MACROD1: variants seen among roughly 807,000 people sequenced by gnomAD.
MACROD1 encodes the protein ADP-ribose glycohydrolase MACROD1.
MACROD1 carries 31 observed loss-of-function variants against 41.4 expected under a neutral mutation model. The ratio of observed to expected loss-of-function variants is 0.75; its 90% CI spans 0.56 to 1.01. The LOEUF is 1.01. MACROD1 is among the 50% of genes least tolerant of loss of function. The probability of loss-of-function intolerance (pLI) is 0.00; values close to 1 mark genes in which losing one functional copy is unlikely to be tolerated. For synonymous variants in MACROD1, 252 were observed against 203.4 expected (o/e 1.24, Z -2.03); for missense variants, 473 against 460.0 (o/e 1.03, Z -0.26).
intron 3 of MACROD1, among the ~76,000 whole-genome samples, chr11:64,055,559 G>A (rs1001469353): frequency 1.3e-5 from 2 of 152,184 alleles, no homozygotes; most frequent in Admixed American, 6.5e-5. Flanking sequence ...TTTCCAGCAC[G>A]GAGCACAAGG....
In MACROD1 at chr11:64,154,481, T is replaced by C. The variant is rs183369266; in HGVS notation, c.299-2088A>G. Among the ~76,000 whole-genome samples the C allele has an allele frequency of 6.2e-4, 94 of 152,152 alleles. No individual in the cohort carries two copies. In the East Asian group the frequency reaches 0.017, roughly 28 times the overall value. On this transcript the variant is annotated intron_variant, in intron 1 of 10. Coordinates refer to ENST00000255681, the MANE Select transcript of MACROD1 (RefSeq NM_014067.4). ...CTCCCAGCTGATCTCCGTGTGCATC[T>C]CATCCCCATCTGTTCCTTGACCGGC...
chr11:64,037,997 G>A (rs73498117), intron 3 of MACROD1, among the ~76,000 whole-genome samples: 7,532 of 152,278 alleles, frequency 0.049, 241 homozygotes, highest in South Asian at 0.12. Context: ...TATCTGCAGG[G>A]ACTTCAGAGG....
At chr11:64,161,307 G>A (rs904870700) in intron 1 of MACROD1, among the ~76,000 whole-genome samples, 2 of 152,166 alleles carry the variant, frequency 1.3e-5, no homozygotes, top group African/African-American at 4.8e-5. Flanking sequence ...GCCGGATATT[G>A]AGTAAAAGGG....
chr11:64,161,224 T>C (rs1945748727), intron 1 of MACROD1, among the ~76,000 whole-genome samples: 2 of 152,068 alleles, frequency 1.3e-5, no homozygotes, highest in Admixed American at 1.3e-4. Flanking sequence ...CTGTGGTACG[T>C]TCATATGCTG....
At chr11:64,100,340 G>A (rs188928121) in intron 3 of MACROD1, among the ~76,000 whole-genome samples, 2 of 152,258 alleles carry the variant, frequency 1.3e-5, no homozygotes, top group East Asian at 1.9e-4. Context: ...TGTGATTGAC[G>A]ACAACAAAAG....
At chr11:64,165,537 G>C (rs1194649805) in intron 1 of MACROD1, among the ~76,000 whole-genome samples, 160 bp downstream of exon 1, 2 of 152,060 alleles carry the variant, frequency 1.3e-5, no homozygotes, top group Non-Finnish European at 2.9e-5. Flanking sequence ...GGCGGGGGGG[G>C]CTGTCAATGG....
At chr11:64,002,155 G>C (rs574222634) in intron 4 of MACROD1, among the ~76,000 whole-genome samples, 4 of 152,316 alleles carry the variant, frequency 2.6e-5, no homozygotes, top group African/African-American at 9.6e-5. Flanking sequence ...GGTGTTCACA[G>C]TGTGTGGGGG....
intron 3 of MACROD1, among the ~76,000 whole-genome samples, chr11:64,125,563 T>A (rs549049662): frequency 4.6e-5 from 7 of 152,230 alleles, no homozygotes; most frequent in Non-Finnish European, 1.0e-4. Flanking sequence ...GTCCTGCTCC[T>A]GCCCCGCCAG....
At position 63,999,412 on chromosome 11, in the gene MACROD1, G is replaced by T; in HGVS notation, c.818-8C>A. On this transcript the variant is annotated splice_polypyrimidine_tract_variant and splice_region_variant and intron_variant, in intron 7 of 10. Transcript: ENST00000255681. ...CCGCCTCACAGGGGTAGCCTGAGGCGGGTGGGGCGGGAGTGAGTCCTAGGC... is the reference window on the plus strand; with the variant it reads ...CCGCCTCACAGGGGTAGCCTGAGGCTGGTGGGGCGGGAGTGAGTCCTAGGC... The T allele has an allele frequency of 6.4e-7, 1 of 1,568,556 alleles. No individual in the cohort carries two copies. The highest frequency in any genetic ancestry group is 2.3e-5 in the East Asian group (1 of 43,298).
chr11:64,123,128 GGGGCCGGGCGCAGGGACCTGTGCCCCCAA>G (rs1169117918), intron 3 of MACROD1, among the ~76,000 whole-genome samples: 5 of 152,202 alleles, frequency 3.3e-5, no homozygotes, highest in Non-Finnish European at 7.3e-5. Context: ...GCTGGCAGGA[GGGGCCGGGCGCAGGGACCTGTGCCCCCAA>G]GGGCCAGACC....
At chr11:64,144,637 G>A (rs904059656) in intron 3 of MACROD1, among the ~76,000 whole-genome samples, 3 of 151,650 alleles carry the variant, frequency 2.0e-5, no homozygotes, top group African/African-American at 4.8e-5. Context: ...CCCCACCTGC[G>A]CTTGGCTTCC....
intron 2 of MACROD1, 135 bp downstream of exon 2, chr11:64,152,157 G>A (rs1945589602): frequency 1.4e-6 from 1 of 692,068 alleles, no homozygotes; most frequent in Non-Finnish European, 2.6e-6. Context: ...AATTGAATGA[G>A]GTGATACACG....
At chr11:64,113,871 CATGGATGG>C (rs202172057) in intron 3 of MACROD1, among the ~76,000 whole-genome samples, 30 of 77,802 alleles carry the variant, frequency 3.9e-4, no homozygotes, top group Admixed American at 1.0e-3. Flanking sequence ...TGGATTGATA[CATGGATGG>C]ATGGATGGAT....
chr11:64,032,528 C>G (rs1007636796), intron 3 of MACROD1, among the ~76,000 whole-genome samples: 9 of 152,124 alleles, frequency 5.9e-5, no homozygotes, highest in African/African-American at 2.2e-4. Context: ...GTAAGGCCCA[C>G]CCCACCAGGC....
At chr11:64,163,795 G>A (rs769813988) in intron 1 of MACROD1, among the ~76,000 whole-genome samples, 3 of 152,294 alleles carry the variant, frequency 2.0e-5, no homozygotes, top group East Asian at 3.9e-4. Flanking sequence ...ACTAAGGTTC[G>A]GGGTGTTTTG....
intron 3 of MACROD1, among the ~76,000 whole-genome samples, chr11:64,108,683 ACTGCTTCTGCCCGCAGT>A (rs1944807204): frequency 6.6e-6 from 1 of 152,150 alleles, no homozygotes; most frequent in South Asian, 2.1e-4. Context: ...GGGCTGAGAA[ACTGCTTCTGCCCGCAGT>A]CTGCCTGCAC....
chr11:64,155,051 G>A (rs185224086), intron 1 of MACROD1, among the ~76,000 whole-genome samples: 4 of 152,290 alleles, frequency 2.6e-5, no homozygotes, highest in Non-Finnish European at 5.9e-5. Flanking sequence ...TGACCTGTAG[G>A]TTCCATAGGG....
intron 3 of MACROD1, chr11:64,117,219 G>A (rs961463407): frequency 1.2e-6 from 2 of 1,614,160 alleles, no homozygotes; most frequent in Non-Finnish European, 8.5e-7. Context: ...CGACGACCTG[G>A]GGAACCTGGC....
intron 1 of MACROD1, among the ~76,000 whole-genome samples, chr11:64,162,676 A>G (rs1468413652): frequency 2.6e-5 from 4 of 151,248 alleles, no homozygotes; most frequent in Non-Finnish European, 5.9e-5. Flanking sequence ...TTATCTGGGC[A>G]TGGTGACGGG....
Sources: gnomAD v4.1 joint callset for allele counts (sites outside exome capture counted in the v4.1 genomes callset) on GRCh38, gnomAD v4.1.1 for gene constraint, MANE v1.5 for transcripts, NCBI Gene and HGNC (gene_info 2026-07-23, HGNC 2026-07-21) for gene names.